TM9SF4: variants seen among roughly 807,000 people sequenced by gnomAD.
The protein encoded by TM9SF4 is dinucleotide oxidase disulfide thiol exchanger 3 superfamily member 4.
Under a neutral mutation model 90.4 loss-of-function variants are expected in TM9SF4, and 26 were observed. The ratio of observed to expected loss-of-function variants is 0.29; its 90% CI spans 0.21 to 0.40. The LOEUF is 0.40. TM9SF4 is among the 10% of genes least tolerant of loss of function. The pLI is 1.00. For synonymous variants in TM9SF4, 293 were observed against 315.4 expected (o/e 0.93, Z 0.75); for missense variants, 549 against 834.8 (o/e 0.66, Z 4.22).
chr20:32,131,068 A>G (rs1174460426), intron 1 of TM9SF4, among the ~76,000 whole-genome samples: 3 of 152,086 alleles, frequency 2.0e-5, no homozygotes, highest in Non-Finnish European at 4.4e-5. Flanking sequence ...TTCCTATCCA[A>G]ATTGCCCCAT....
intron 1 of TM9SF4, among the ~76,000 whole-genome samples, chr20:32,127,743 G>T (rs1041754537): frequency 1.3e-5 from 2 of 152,150 alleles, no homozygotes; most frequent in South Asian, 2.1e-4. Context: ...CCTGAGCTTC[G>T]CAGAGAGCCC....
Position 32,165,796 on chromosome 20 carries a change from A to C in TM9SF4, c.*352A>C. On this transcript the variant is annotated 3_prime_UTR_variant, in exon 18 of 18. Coordinates refer to ENST00000398022, the MANE Select transcript of TM9SF4 (RefSeq NM_014742.4). ...TTAACAAATGGATCCAGGATGGATA[A>C]ATCCACCGAGATAAGGGTTTTGGTC... 12 of 202,442 alleles carry C rather than the reference A, an allele frequency of 5.9e-5. No individual in the cohort carries two copies. Among genetic ancestry groups the C allele is most frequent in the South Asian group, 2.4e-4 (3 of 12,518 alleles). The allele number at this position is 202,442 out of a possible 1,614,324, so 12.5% of individuals were successfully genotyped here.
intron 1 of TM9SF4, among the ~76,000 whole-genome samples, chr20:32,119,512 T>C (rs2046274694): frequency 6.7e-6 from 1 of 150,192 alleles, no homozygotes; most frequent in East Asian, 2.0e-4. Flanking sequence ...CTCTTGTCCA[T>C]TTTTAAATCG....
intron 1 of TM9SF4, among the ~76,000 whole-genome samples, chr20:32,117,443 A>G (rs996100684): frequency 1.3e-5 from 2 of 152,206 alleles, no homozygotes; most frequent in Non-Finnish European, 2.9e-5. Flanking sequence ...TTCTGGTTAC[A>G]GAGAAATGCA....
chr20:32,152,786 C>T (rs889898740), intron 12 of TM9SF4, among the ~76,000 whole-genome samples: 5 of 152,230 alleles, frequency 3.3e-5, no homozygotes, highest in Admixed American at 1.3e-4. Context: ...CCAGAGGCTG[C>T]CGCCTCCCCC....
intron 3 of TM9SF4, chr20:32,137,057 G>T (rs1176985280): frequency 6.6e-6 from 3 of 456,630 alleles, no homozygotes; most frequent in Non-Finnish European, 1.3e-5. Flanking sequence ...CCAAAATTGG[G>T]TAGGACCATC....
At chr20:32,154,863 C>T (rs2046895296) in intron 12 of TM9SF4, among the ~76,000 whole-genome samples, 1 of 152,116 alleles carries the variant, frequency 6.6e-6, no homozygotes. Context: ...GATCAGGTAG[C>T]CAAAATATGT....
intron 17 of TM9SF4, among the ~76,000 whole-genome samples, chr20:32,162,825 A>T (rs2047036741): frequency 6.6e-6 from 1 of 152,166 alleles, no homozygotes; most frequent in Non-Finnish European, 1.5e-5. Context: ...AACTCTCATA[A>T]GTGGCAAGTG....
chr20:32,157,942 A>G lies in TM9SF4; in HGVS notation c.1478A>G (p.Gln493Arg). ...TNQIPRQIPE[Q>R]RWYMNRFVGI... ...CAGATTCCCCGGCAGATCCCCGAGC[A>G]GCGGTGGTACATGAACCGATTTGTG... The change falls in exon 14 of 18, where the codon CAG becomes CGG. Residue 493 changes from glutamine to arginine, a missense_variant. Gln to Arg is a conservative substitution (Grantham distance 43, BLOSUM62 1). Around this residue, in one of 2 missense-constraint regions of TM9SF4, gnomAD observed 495 missense variants for 711.7 expected, o/e 0.70. Coordinates refer to ENST00000398022, the MANE Select transcript of TM9SF4 (RefSeq NM_014742.4). The G allele has an allele frequency of 6.2e-7, 1 of 1,614,164 alleles. No homozygotes were observed. The highest frequency in any genetic ancestry group is 1.3e-5 in the African/African-American group (1 of 75,048).
intron 1 of TM9SF4, among the ~76,000 whole-genome samples, chr20:32,120,156 C>G (rs189170267): frequency 3.3e-4 from 50 of 152,198 alleles, no homozygotes; most frequent in Admixed American, 1.3e-3. Flanking sequence ...ATGCTAGAAT[C>G]AGCTTGTCAG....
rs566550227 is a variant in TM9SF4 at position 32,120,485 on chromosome 20, T to G, written c.15+10730T>G. Reference sequence around the variant, plus strand: ...ATTTTTCTATATTGATCTTATAGTCTGACCTTGGTTAACTTGTTTATTAGT... The same window carrying G: ...ATTTTTCTATATTGATCTTATAGTCGGACCTTGGTTAACTTGTTTATTAGT... On this transcript the variant is annotated intron_variant, in intron 1 of 17. Transcript: ENST00000398022. 6.6e-5 allele frequency among the ~76,000 whole-genome samples: 10 copies of G among 152,010 alleles called. No homozygotes were observed. The South Asian group carries it at 2.1e-3, about 32-fold the overall frequency.
At chr20:32,163,762 C>G (rs181719485) in intron 17 of TM9SF4, among the ~76,000 whole-genome samples, 168 of 152,016 alleles carry the variant, frequency 1.1e-3, no homozygotes, top group African/African-American at 3.5e-3. Flanking sequence ...CAGGTGCACA[C>G]CACCACGCCC....
intron 1 of TM9SF4, among the ~76,000 whole-genome samples, chr20:32,110,355 C>T (rs557387741): frequency 6.6e-6 from 1 of 152,210 alleles, no homozygotes; most frequent in Admixed American, 6.5e-5. Context: ...GCTTCCCTGC[C>T]CTTCCTGTCT....
At chr20:32,118,992 G>A (rs560647955) in intron 1 of TM9SF4, among the ~76,000 whole-genome samples, 1 of 152,058 alleles carries the variant, frequency 6.6e-6, no homozygotes, top group Non-Finnish European at 1.5e-5. Flanking sequence ...AGCTATAAAA[G>A]TATCAAAACA....
rs548185743 is a variant in TM9SF4, at chr20:32,140,916, G to T, written c.230-581G>T. 6.6e-5 allele frequency among the ~76,000 whole-genome samples: 10 copies of T among 152,152 alleles called. No homozygotes were observed. In the East Asian group the frequency reaches 1.7e-3, roughly 26 times the overall value. ...AGAAGGAAGCGACTGAGGCCCAGAG[G>T]CATAGAAGGATGTGATGCTTGGCTG... On this transcript the variant is annotated intron_variant, in intron 3 of 17. Transcript: ENST00000398022.
At chr20:32,155,293 G>A in intron 13 of TM9SF4, 107 bp downstream of exon 13, 1 of 963,890 alleles carries the variant, frequency 1.0e-6, no homozygotes, top group Non-Finnish European at 1.7e-6. Context: ...CCTTTTCTGA[G>A]TCCCCAGAGT....
chr20:32,115,806 G>GTTTT lies in TM9SF4; in HGVS notation c.15+6051_15+6052insTTTT, dbSNP rs1243268586. Among the ~76,000 whole-genome samples the GTTTT allele has an allele frequency of 3.0e-3, 315 of 106,280 alleles. 34 individuals are homozygous for GTTTT. The highest frequency in any genetic ancestry group is 3.6e-3 in the African/African-American group (98 of 27,340). 69.7% of individuals were successfully genotyped at this position (106,280 alleles called of 152,430 possible). Reference sequence around the variant, plus strand: ...GTAATAACAAAACCTACCACTTTAAGCTTTTTTTTTTTTTTTTTTTTTTTT... The same window carrying GTTTT: ...GTAATAACAAAACCTACCACTTTAAGTTTTCTTTTTTTTTTTTTTTTTTTTTTTT... On this transcript the variant is annotated intron_variant, in intron 1 of 17. Transcript: ENST00000398022.
At chr20:32,117,343 G>T (rs534650678) in intron 1 of TM9SF4, among the ~76,000 whole-genome samples, 2 of 152,138 alleles carry the variant, frequency 1.3e-5, no homozygotes, top group African/African-American at 4.8e-5. Flanking sequence ...AACCAAAAAG[G>T]CCGTTCAGAT....
Position 32,132,882 on chromosome 20 carries a change from A to G in TM9SF4, c.16-131A>G, listed in dbSNP as rs574414500. ...GGGAGAGAACATTTATGAGGTCTTCAGGCTTCATGGGTCAGAGGGTGGCTA... is the reference window on the plus strand; with the variant it reads ...GGGAGAGAACATTTATGAGGTCTTCGGGCTTCATGGGTCAGAGGGTGGCTA... On this transcript the variant is annotated intron_variant, in intron 1 of 17. Transcript: ENST00000398022. 5.7e-6 allele frequency: 4 copies of G among 706,004 alleles called. No homozygotes were observed. The African/African-American group carries it at 7.1e-5, about 13-fold the overall frequency. The allele number at this position is 706,004 out of a possible 1,614,324, so 43.7% of individuals were successfully genotyped here.
Sources: gnomAD v4.1 joint callset for allele counts (sites outside exome capture counted in the v4.1 genomes callset) on GRCh38, gnomAD v4.1.1 for gene constraint, gnomAD v4.1.1 regional missense constraint, MANE v1.5 for transcripts, NCBI Gene and HGNC (gene_info 2026-07-23, HGNC 2026-07-21) for gene names.